PPHLN1: variants seen among roughly 807,000 people sequenced by gnomAD.
The protein encoded by PPHLN1 is periphilin 1.
A neutral mutation model predicts 51.3 loss-of-function variants in PPHLN1; 29 were observed. The observed-to-expected ratio is 0.57, with a 90% confidence interval of 0.42 to 0.77. The LOEUF (loss-of-function observed/expected upper bound fraction) is 0.77. Among genes scored for constraint, PPHLN1 ranks in the 30% least tolerant of loss-of-function variants. PPHLN1 has a pLI of 0.00. For missense variants in PPHLN1, 436 were observed against 438.4 expected (o/e 0.99, Z 0.05); for synonymous variants, 147 against 147.8 (o/e 0.99, Z 0.04).
chr12:42,402,734 C>T (rs1012547107), intron 9 of PPHLN1, among the ~76,000 whole-genome samples: 1 of 151,952 alleles, frequency 6.6e-6, no homozygotes. Flanking sequence ...AAATAACCTT[C>T]GAATATACCA....
downstream of PPHLN1, chr12:42,446,402 A>G (rs1273099793): frequency 1.2e-5 from 17 of 1,433,174 alleles, no homozygotes; most frequent in Non-Finnish European, 1.5e-5. Flanking sequence ...CCCAGCGTCT[A>G]GCAGTGTGAC....
chr12:42,402,353 A>G (rs554853201), intron 9 of PPHLN1, among the ~76,000 whole-genome samples: 1 of 152,192 alleles, frequency 6.6e-6, no homozygotes, highest in Non-Finnish European at 1.5e-5. Flanking sequence ...CCCTTTCCTT[A>G]TTACAATTAG....
intron 9 of PPHLN1, among the ~76,000 whole-genome samples, chr12:42,421,979 A>G (rs547743773): frequency 6.6e-6 from 1 of 152,306 alleles, no homozygotes; most frequent in East Asian, 1.9e-4. Context: ...TGCTAGAAAG[A>G]AAGCTGCTGT....
At chr12:42,444,853 T>A, downstream of PPHLN1, 1 of 578,888 alleles carries the variant, frequency 1.7e-6, no homozygotes, top group Non-Finnish European at 3.1e-6. Context: ...AACGCTGTAA[T>A]GCTTTTTACC....
At chr12:42,369,614 T>C (rs1016296165) in intron 4 of PPHLN1, among the ~76,000 whole-genome samples, 1 of 152,212 alleles carries the variant, frequency 6.6e-6, no homozygotes, top group African/African-American at 2.4e-5. Context: ...GTATTATTAT[T>C]ATCCCCACTT....
chr12:42,443,618 G>A (rs1467710831), downstream of PPHLN1: 1 of 152,212 alleles, frequency 6.6e-6, no homozygotes, highest in Non-Finnish European at 1.5e-5. Context: ...CAGTAAATTA[G>A]TTGAGCAATT....
In PPHLN1 at chr12:42,441,533, A is replaced by G. The variant is rs1450290427; in HGVS notation, c.*24A>G. On this transcript the variant is annotated 3_prime_UTR_variant, in exon 10 of 10. Transcript: ENST00000358314. Reference sequence around the variant, plus strand: ...AGATTTTTCTGCTCAGGCTAAAAAAAAAAAAAAACAGTTTCTAAAAATTTT... The same window carrying G: ...AGATTTTTCTGCTCAGGCTAAAAAAGAAAAAAAACAGTTTCTAAAAATTTT... The G allele has an allele frequency of 2.6e-6, 4 of 1,528,582 alleles. No individual in the cohort carries two copies. Among genetic ancestry groups the G allele is most frequent in the Non-Finnish European group, 3.5e-6 (4 of 1,143,368 alleles). The allele number at this position is 1,528,582 out of a possible 1,614,324, so 94.7% of individuals were successfully genotyped here.
At chr12:42,330,554 C>T (rs1012863957) in intron 1 of PPHLN1, among the ~76,000 whole-genome samples, 5 of 152,320 alleles carry the variant, frequency 3.3e-5, no homozygotes, top group African/African-American at 1.2e-4. Context: ...TGCCTGTAAA[C>T]ATGTTGTTAA....
rs192185341 is a variant in PPHLN1 at position 42,351,915 on chromosome 12, C to G, written c.103C>G (p.Pro35Ala). ...CTACAATAGACTAGTTAATATTGTG[C>G]CAAAGAAACCACCACTGCTAGACAG... ...DGYNRLVNIV[P>A]KKPPLLDRPG... The change falls in exon 3 of 10, where the codon CCA (proline) becomes GCA (alanine). Residue 35 changes from proline (P) to alanine (A), a missense_variant. Pro to Ala is a conservative substitution (Grantham distance 27). Coordinates refer to ENST00000358314, the MANE Select transcript of PPHLN1 (RefSeq NM_201439.2). 5.3e-5 allele frequency: 84 copies of G among 1,574,838 alleles called. 1 individual carries two copies. In the East Asian group the frequency reaches 2.0e-3, roughly 37 times the overall value.
At chr12:42,438,855 GC>G (rs912117771) in intron 9 of PPHLN1, among the ~76,000 whole-genome samples, 1 of 152,186 alleles carries the variant, frequency 6.6e-6, no homozygotes, top group African/African-American at 2.4e-5. Flanking sequence ...GCCTGCCTCA[GC>G]CTCCCAAAGT....
At chr12:42,349,851 C>T (rs2072961589) in intron 2 of PPHLN1, among the ~76,000 whole-genome samples, 1 of 152,222 alleles carries the variant, frequency 6.6e-6, no homozygotes, top group East Asian at 1.9e-4. Context: ...TTCTTTTCCC[C>T]ACATTTCCCC....
At chr12:42,407,442 TAA>T (rs1369728918) in intron 9 of PPHLN1, among the ~76,000 whole-genome samples, 2 of 152,192 alleles carry the variant, frequency 1.3e-5, no homozygotes, top group Non-Finnish European at 2.9e-5. Context: ...GCTAGTGACC[TAA>T]GAGTAAAAGA....
intron 8 of PPHLN1, among the ~76,000 whole-genome samples, chr12:42,397,004 C>T (rs565276407): frequency 6.7e-6 from 1 of 149,142 alleles, no homozygotes; most frequent in East Asian, 2.0e-4. Flanking sequence ...CATCACTGCA[C>T]TCCAGCCTGG....
At chr12:42,415,441 G>A (rs1216187747) in intron 9 of PPHLN1, among the ~76,000 whole-genome samples, 1 of 152,178 alleles carries the variant, frequency 6.6e-6, no homozygotes, top group African/African-American at 2.4e-5. Flanking sequence ...AAAGTGCTGC[G>A]ATTACAGGCG....
At chr12:42,422,487 A>G (rs144143422) in intron 9 of PPHLN1, among the ~76,000 whole-genome samples, 97 of 152,222 alleles carry the variant, frequency 6.4e-4, no homozygotes, top group Admixed American at 2.0e-3. Context: ...CAGCCTTCTG[A>G]CTCTTATCTG....
intron 1 of PPHLN1, among the ~76,000 whole-genome samples, chr12:42,333,792 A>G (rs2070175100): frequency 6.6e-6 from 1 of 152,110 alleles, no homozygotes; most frequent in Non-Finnish European, 1.5e-5. Flanking sequence ...AACCTCCTTT[A>G]CTAACCTATG....
chr12:42,368,928 C>A (rs926896235), intron 4 of PPHLN1, among the ~76,000 whole-genome samples: 8 of 152,124 alleles, frequency 5.3e-5, no homozygotes, highest in Non-Finnish European at 7.4e-5. Flanking sequence ...TAGCCTCTTT[C>A]TTCTTTAATA....
At chr12:42,401,052 G>A (rs955578203) in intron 9 of PPHLN1, among the ~76,000 whole-genome samples, 1 of 152,046 alleles carries the variant, frequency 6.6e-6, no homozygotes, top group Non-Finnish European at 1.5e-5. Flanking sequence ...GTTTAATATT[G>A]TGGATGTCAC....
intron 2 of PPHLN1, among the ~76,000 whole-genome samples, chr12:42,349,991 G>C (rs1592288214): frequency 6.6e-6 from 1 of 151,278 alleles, no homozygotes; most frequent in Admixed American, 6.6e-5. Flanking sequence ...GCGGGGCAGA[G>C]GGGGCCCTCC....
Sources: allele counts gnomAD v4.1 joint callset (sites outside exome capture counted in the v4.1 genomes callset), GRCh38; gene constraint gnomAD v4.1.1; transcripts MANE v1.5; gene names NCBI Gene and HGNC (gene_info 2026-07-23, HGNC 2026-07-21).